The following NSRP1 variants were observed in gnomAD, a reference collection of about 807,000 sequenced individuals.
NSRP1 encodes coiled-coil domain containing 55.
NSRP1 carries 24 observed loss-of-function variants against 54.7 expected under a neutral mutation model. The observed-to-expected ratio is 0.44, with a 90% confidence interval of 0.32 to 0.62. The LOEUF (loss-of-function observed/expected upper bound fraction) is 0.62, where lower values mean the gene tolerates loss of function less well. Ranked by LOEUF, NSRP1 falls within the 20% of genes least tolerant of loss-of-function variation. NSRP1 has a pLI of 0.06. For synonymous variants in NSRP1, 210 were observed against 213.8 expected, an observed-to-expected ratio of 0.98 and a Z score of 0.15; for missense variants, 596 against 651.2, an observed-to-expected ratio of 0.92 and a Z score of 0.92.
intron 2 of NSRP1, among the ~76,000 whole-genome samples, chr17:30,140,809 T>C (rs2071798026): frequency 6.6e-6 from 1 of 152,168 alleles, no homozygotes; most frequent in Admixed American, 6.5e-5. Context: ...ATTACAGGTG[T>C]GAGCCACCGC....
intron 2 of NSRP1, among the ~76,000 whole-genome samples, chr17:30,141,116 A>G (rs1049164196): frequency 6.6e-6 from 1 of 152,252 alleles, no homozygotes; most frequent in Admixed American, 6.5e-5. Flanking sequence ...ACACCTGGCT[A>G]GAATCAGCTT....
chr17:30,144,141 A>C (rs879737489), intron 2 of NSRP1: 29 of 151,870 alleles, frequency 1.9e-4, no homozygotes, highest in Admixed American at 6.6e-4. Context: ...GCAATCTAAA[A>C]TTACCCTCCT....
At chr17:30,159,094 C>T (rs1476712005) in intron 2 of NSRP1, among the ~76,000 whole-genome samples, 1 of 152,204 alleles carries the variant, frequency 6.6e-6, no homozygotes, top group Non-Finnish European at 1.5e-5. Flanking sequence ...GATCCATGAA[C>T]ATGGGATGTC....
At chr17:30,176,081 T>A (rs1452180974) in intron 3 of NSRP1, among the ~76,000 whole-genome samples, 1 of 147,364 alleles carries the variant, frequency 6.8e-6, no homozygotes, top group Non-Finnish European at 1.5e-5. Context: ...TATATATTCA[T>A]ACTGTTTTTT....
At chr17:30,123,196 T>C (rs1320337855) in intron 2 of NSRP1, among the ~76,000 whole-genome samples, 1 of 152,160 alleles carries the variant, frequency 6.6e-6, no homozygotes, top group Non-Finnish European at 1.5e-5. Context: ...ACCTCCTGGG[T>C]TCAACCAGTT....
chr17:30,168,947 T>C (rs1025887704), intron 2 of NSRP1: 6 of 152,058 alleles, frequency 3.9e-5, no homozygotes, highest in Non-Finnish European at 8.8e-5. Context: ...AGTTATCCAC[T>C]GATGCTGTTG....
chr17:30,121,191 A>G (rs2071593235), intron 2 of NSRP1, among the ~76,000 whole-genome samples: 1 of 152,250 alleles, frequency 6.6e-6, no homozygotes, highest in African/African-American at 2.4e-5. Context: ...TATATTTTCA[A>G]GTAGTTTTTG....
chr17:30,144,012 T>C (rs941303254), intron 2 of NSRP1: 3 of 151,996 alleles, frequency 2.0e-5, no homozygotes, highest in African/African-American at 7.2e-5. Flanking sequence ...AATATTTTTC[T>C]ACCACTATTT....
At chr17:30,171,084 A>G (rs1904914742) in intron 2 of NSRP1, among the ~76,000 whole-genome samples, 1 of 151,854 alleles carries the variant, frequency 6.6e-6, no homozygotes, top group Non-Finnish European at 1.5e-5. Context: ...TCTTAGCTGT[A>G]TGTAATCTTT....
At chr17:30,117,939 G>A (rs544937337) in intron 1 of NSRP1, 141 bp from the exon 2 acceptor site, 65 of 620,282 alleles carry the variant, frequency 1.0e-4, no homozygotes, top group African/African-American at 9.1e-4. Flanking sequence ...AGATCACTGA[G>A]AAGCAAAAAC....
chr17:30,161,124 T>A (rs2143005943), intron 2 of NSRP1, among the ~76,000 whole-genome samples: 1 of 152,316 alleles, frequency 6.6e-6, no homozygotes, highest in East Asian at 1.9e-4. Context: ...AAGAAGTAGA[T>A]AACCCCCCCA....
At chr17:30,154,211 C>T (rs1197739315) in intron 2 of NSRP1, among the ~76,000 whole-genome samples, 1 of 151,928 alleles carries the variant, frequency 6.6e-6, no homozygotes, top group Non-Finnish European at 1.5e-5. Context: ...GTCCCAGCTA[C>T]TCGGGAGGCT....
chr17:30,170,945 T>G (rs1189169256), intron 2 of NSRP1, among the ~76,000 whole-genome samples: 2 of 152,212 alleles, frequency 1.3e-5, no homozygotes, highest in Non-Finnish European at 2.9e-5. Flanking sequence ...CTTTATTATT[T>G]TTTGACTTTT....
chr17:30,118,344 G>T (rs1050024351), intron 2 of NSRP1, among the ~76,000 whole-genome samples, 171 bp downstream of exon 2: 3 of 152,152 alleles, frequency 2.0e-5, no homozygotes, highest in Non-Finnish European at 4.4e-5. Context: ...ATTTTTTAAA[G>T]ATTTTTTTCC....
At chr17:30,173,769 C>T (rs1460301415) in intron 3 of NSRP1, among the ~76,000 whole-genome samples, 2 of 152,156 alleles carry the variant, frequency 1.3e-5, no homozygotes, top group African/African-American at 2.4e-5. Flanking sequence ...TTGCATGAGA[C>T]CACATAGTTA....
intron 2 of NSRP1, among the ~76,000 whole-genome samples, chr17:30,145,962 A>T (rs886339678): frequency 6.6e-6 from 1 of 151,820 alleles, no homozygotes; most frequent in Non-Finnish European, 1.5e-5. Context: ...CAATTCCCCC[A>T]CTTTTGTCTT....
Position 30,172,526 on chromosome 17 carries a change from T to C in NSRP1, c.115-16T>C, listed in dbSNP as rs1161187742. ...TAAATTTGTTTAAAAAGTGACAATATATTTCTGTTTTACAGACCTCTGTGA... is the reference window on the plus strand; with the variant it reads ...TAAATTTGTTTAAAAAGTGACAATACATTTCTGTTTTACAGACCTCTGTGA... On this transcript the variant is annotated splice_polypyrimidine_tract_variant and intron_variant, in intron 2 of 6. Transcript: ENST00000247026. 1 of 1,591,350 alleles carries C rather than the reference T, an allele frequency of 6.3e-7. No homozygotes were observed.
intron 4 of NSRP1, 51 bp downstream of exon 4, chr17:30,178,250 GTCTTAA>G (rs1905192350): frequency 2.6e-6 from 4 of 1,561,442 alleles, no homozygotes; most frequent in Non-Finnish European, 3.4e-6. Context: ...TACATTTTGT[GTCTTAA>G]TCTTATTTTA....
intron 2 of NSRP1, among the ~76,000 whole-genome samples, chr17:30,124,776 G>A (rs2071635721): frequency 6.6e-6 from 1 of 152,194 alleles, no homozygotes; most frequent in Admixed American, 6.5e-5. Context: ...GGGAGCTGCA[G>A]CTTATTTCTT....
Sources: gnomAD v4.1 joint callset for allele counts (sites outside exome capture counted in the v4.1 genomes callset) on GRCh38, gnomAD v4.1.1 for gene constraint, MANE v1.5 for transcripts, NCBI Gene and HGNC (gene_info 2026-07-23, HGNC 2026-07-21) for gene names.